GATA3: variants seen among roughly 807,000 people sequenced by gnomAD.
GATA3 encodes the protein trans-acting T-cell-specific transcription factor GATA-3.
Under a neutral mutation model 36.0 loss-of-function variants are expected in GATA3, and 6 were observed. That is an observed-to-expected ratio of 0.17 (90% CI 0.09 to 0.33). The LOEUF is 0.33. Ranked by LOEUF, GATA3 falls within the 10% of genes least tolerant of loss-of-function variation. The pLI is 1.00. For synonymous variants in GATA3, 326 were observed against 273.0 expected, an observed-to-expected ratio of 1.19 and a Z score of -1.92; for missense variants, 514 against 610.1, an observed-to-expected ratio of 0.84 and a Z score of 1.66.
chr10:8,068,148 C>G lies in GATA3; in HGVS notation c.925-1325C>G, dbSNP rs115216839. Among the ~76,000 whole-genome samples the G allele has an allele frequency of 1.8e-3, 272 of 151,574 alleles. 2 individuals are homozygous for G. The highest frequency in any genetic ancestry group is 6.3e-3 in the African/African-American group (260 of 41,268). Reference sequence around the variant, plus strand: ...CGTGAACAGAGAATAGTCACCTGATCAATTTAAATATGTCAAAAAGTGAAA... The same window carrying G: ...CGTGAACAGAGAATAGTCACCTGATGAATTTAAATATGTCAAAAAGTGAAA... On this transcript the variant is annotated intron_variant, in intron 4 of 5. Coordinates refer to ENST00000379328, the MANE Select transcript of GATA3 (RefSeq NM_001002295.2).
Position 8,055,571 on chromosome 10 carries a change from GC to G in GATA3, c.-79del. The G allele has an allele frequency of 5.4e-6, 8 of 1,484,880 alleles. No individual in the cohort carries two copies. Among genetic ancestry groups the G allele is most frequent in the South Asian group, 1.3e-5 (1 of 78,652 alleles). The allele number at this position is 1,484,880 out of a possible 1,614,324, so 92.0% of individuals were successfully genotyped here. ...GACCCCCGACCCTCCGACGGCAGGA[GC>G]CCCCCGACCTCCCAGGCGGACCGCC... On this transcript the variant is annotated 5_prime_UTR_variant, in exon 2 of 6. Coordinates refer to ENST00000379328, the MANE Select transcript of GATA3 (RefSeq NM_001002295.2). This position sits in a 1 kb window ranked among gnomAD's most constrained non-coding sequence, Gnocchi z 5.4.
chr10:8,046,961 A>G (rs1588364683), intron 1 of GATA3, among the ~76,000 whole-genome samples: 1 of 152,150 alleles, frequency 6.6e-6, no homozygotes, highest in South Asian at 2.1e-4. Flanking sequence ...CCACGGGCCC[A>G]TCCTCCACTC....
chr10:8,046,113 CCCCAGAGGGTG>C (rs1490145200), intron 1 of GATA3, among the ~76,000 whole-genome samples: 1 of 152,156 alleles, frequency 6.6e-6, no homozygotes, highest in African/African-American at 2.4e-5. Context: ...ACCGCAGCCT[CCCCAGAGGGTG>C]CCCAGGGGCA....
chr10:8,069,322 CTGTAT>C, intron 4 of GATA3, 146 bp from the exon 5 acceptor site: 1 of 790,336 alleles, frequency 1.3e-6, no homozygotes, highest in Non-Finnish European at 2.1e-6. Flanking sequence ...TTTTGGGGAT[CTGTAT>C]TACTTTCATG....
At chr10:8,060,259 G>A (rs1832725541) in intron 3 of GATA3, among the ~76,000 whole-genome samples, 1 of 152,256 alleles carries the variant, frequency 6.6e-6, no homozygotes, top group South Asian at 2.1e-4. Context: ...GATGCGGTTA[G>A]GCTGACAGAA....
rs192368728 is a variant in GATA3 at position 8,066,472 on chromosome 10, A to G, written c.924+2334A>G. On this transcript the variant is annotated intron_variant, in intron 4 of 5. Transcript: ENST00000379328. The stretch of plus-strand genomic sequence containing the variant: ...TTTCTTTTTTTTTTTTAGCCCTGAG[A>G]TGTATTTGACTTCTGAACACCTAGA... Among the ~76,000 whole-genome samples, 5 of 148,162 alleles carry G rather than the reference A, an allele frequency of 3.4e-5. No homozygotes were observed. In the East Asian group the frequency reaches 9.8e-4, roughly 29 times the overall value.
At chr10:8,070,788 G>T (rs961427603) in intron 5 of GATA3, among the ~76,000 whole-genome samples, 5 of 152,130 alleles carry the variant, frequency 3.3e-5, no homozygotes, top group African/African-American at 1.2e-4. Flanking sequence ...CTCATTCCCT[G>T]CCTGTGCCAA....
At chr10:8,056,637 C>A (rs1357487566) in intron 2 of GATA3, among the ~76,000 whole-genome samples, 2 of 152,132 alleles carry the variant, frequency 1.3e-5, no homozygotes, top group Non-Finnish European at 2.9e-5. Context: ...TTCAAGTCGC[C>A]TCCTTGCCTG....
At chr10:8,061,530 G>A (rs922581531) in intron 3 of GATA3, among the ~76,000 whole-genome samples, 1 of 152,202 alleles carries the variant, frequency 6.6e-6, no homozygotes, top group African/African-American at 2.4e-5. Flanking sequence ...GAGAGGGGAG[G>A]AAAGAAGGCA....
At chr10:8,057,664 G>A (rs1243502312) in intron 2 of GATA3, among the ~76,000 whole-genome samples, 4 of 152,100 alleles carry the variant, frequency 2.6e-5, no homozygotes, top group Non-Finnish European at 5.9e-5. Flanking sequence ...GGCCTTTTGC[G>A]GGCAGCCTGG....
At chr10:8,054,617 G>C (rs1272818356), upstream of GATA3, 2 of 152,250 alleles carry the variant, frequency 1.3e-5, no homozygotes, top group South Asian at 2.1e-4. The surrounding 1 kb of genome is among the most constrained non-coding windows in gnomAD (Gnocchi z 4.2). Flanking sequence ...ACTCGCCAGC[G>C]CCAGGCTCCT....
At chr10:8,051,141 C>T (rs776324663), upstream of GATA3, 2 of 512,070 alleles carry the variant, frequency 3.9e-6, no homozygotes, top group Non-Finnish European at 4.0e-6. Flanking sequence ...AGGGTCTCTT[C>T]GCCCCTGGGA....
intron 1 of GATA3, among the ~76,000 whole-genome samples, chr10:8,047,371 G>A (rs960187755): frequency 4.6e-5 from 7 of 152,222 alleles, no homozygotes; most frequent in African/African-American, 1.7e-4. Context: ...CTAGCATTCG[G>A]TTATTTTTAA....
intron 1 of GATA3, among the ~76,000 whole-genome samples, chr10:8,046,907 G>A (rs545341453): frequency 1.4e-4 from 22 of 152,112 alleles, no homozygotes; most frequent in African/African-American, 4.3e-4. Context: ...TAAGTCCCTG[G>A]CCCAAGAAGC....
intron 5 of GATA3, 85 bp from the exon 6 acceptor site, chr10:8,073,654 G>A (rs1045370792): frequency 1.3e-5 from 19 of 1,453,594 alleles, no homozygotes; most frequent in Non-Finnish European, 1.7e-5. Flanking sequence ...GCGGTCAGTG[G>A]AACCCTTCTT....
upstream of GATA3, chr10:8,053,586 C>T (rs936005128): frequency 6.6e-6 from 1 of 152,208 alleles, no homozygotes; most frequent in Admixed American, 6.5e-5. The surrounding 1 kb of genome is among the most constrained non-coding windows in gnomAD (Gnocchi z 5.1). Context: ...CGCCCCCGCT[C>T]GCCCCGCCCC....
upstream of GATA3, among the ~76,000 whole-genome samples, chr10:8,049,881 AAGG>A (rs368397056): frequency 6.3e-3 from 964 of 152,240 alleles, 8 homozygotes; most frequent in South Asian, 0.018. Context: ...GCTAAGGAGG[AAGG>A]AGGCCAGTTT....
chr10:8,074,955 TA>T lies in GATA3; in HGVS notation c.*935del. 4.3e-6 allele frequency: 1 copy of T among 233,746 alleles called. No homozygotes were observed. The highest frequency in any genetic ancestry group is 1.3e-3 in the Middle Eastern group (1 of 786). 14.5% of individuals were successfully genotyped at this position (233,746 alleles called of 1,614,324 possible). On this transcript the variant is annotated 3_prime_UTR_variant, in exon 6 of 6. Transcript: ENST00000379328. The stretch of plus-strand genomic sequence containing the variant: ...CATTTTGTTTTTGGATGATATTTAT[TA>T]AATAGCTTCTAAGAGTCCGGCGGCA...
chr10:8,056,351 T>C (rs1348233471), intron 2 of GATA3, among the ~76,000 whole-genome samples: 1 of 152,004 alleles, frequency 6.6e-6, no homozygotes, highest in Non-Finnish European at 1.5e-5. Context: ...GCTAGCTCTT[T>C]CTAGGCGGGT....
Sources: gnomAD v4.1 joint callset for allele counts (sites outside exome capture counted in the v4.1 genomes callset) on GRCh38, gnomAD v4.1.1 for gene constraint, Gnocchi (gnomAD v3.1) non-coding constraint, MANE v1.5 for transcripts, NCBI Gene and HGNC (gene_info 2026-07-23, HGNC 2026-07-21) for gene names.